Variants in ZNF169 observed in about 807,000 individuals in gnomAD.
The protein encoded by ZNF169 is zinc finger protein 169.
Under a neutral mutation model 12.0 loss-of-function variants are expected in ZNF169, and 11 were observed. The ratio of observed to expected loss-of-function variants is 0.92; its 90% CI spans 0.58 to 1.52. The LOEUF is 1.52. Ranked by LOEUF, ZNF169 falls within the 40% of genes most tolerant of loss-of-function variation. The pLI is 0.00. For synonymous variants in ZNF169, 302 were observed against 286.5 expected (o/e 1.05, Z -0.55); for missense variants, 722 against 744.0 (o/e 0.97, Z 0.34).
At chr9:94,297,785 T>C (rs1196278017) in intron 4 of ZNF169, among the ~76,000 whole-genome samples, 1 of 152,256 alleles carries the variant, frequency 6.6e-6, no homozygotes, top group Non-Finnish European at 1.5e-5. Context: ...TGTTCACTTC[T>C]GTTCTGATAG....
intron 4 of ZNF169, among the ~76,000 whole-genome samples, chr9:94,297,117 T>C (rs191724613): frequency 6.6e-6 from 1 of 150,464 alleles, no homozygotes; most frequent in East Asian, 1.9e-4. Context: ...CGTTATTCTT[T>C]GTTTTTTCAT....
At chr9:94,271,709 A>G (rs1490644637) in intron 1 of ZNF169, among the ~76,000 whole-genome samples, 1 of 131,182 alleles carries the variant, frequency 7.6e-6, no homozygotes, top group Non-Finnish European at 1.6e-5. Flanking sequence ...ACAGGGCAAG[A>G]CTCTGTCTCA....
At position 94,278,743 on chromosome 9, in the gene ZNF169, C is replaced by A; in HGVS notation, c.-55-15C>A. 1 of 1,492,122 alleles carries A rather than the reference C, an allele frequency of 6.7e-7. No homozygotes were observed. Among genetic ancestry groups the A allele is most frequent in the Non-Finnish European group, 9.3e-7 (1 of 1,073,146 alleles). The allele number at this position is 1,492,122 out of a possible 1,614,324, so 92.4% of individuals were successfully genotyped here. Reference sequence around the variant, plus strand: ...CTTCCCAAGTACCTCTCTCACTTCTCATCTCTTTCCCCAGATTTGCCTCTG... The same window carrying A: ...CTTCCCAAGTACCTCTCTCACTTCTAATCTCTTTCCCCAGATTTGCCTCTG... On this transcript the variant is annotated splice_polypyrimidine_tract_variant and intron_variant, in intron 1 of 4. Transcript: ENST00000395395.
In ZNF169 at chr9:94,292,457, G is replaced by A. The variant is rs1428668102; in HGVS notation, c.150G>A (p.Leu50=). The A allele has an allele frequency of 3.1e-6, 5 of 1,613,816 alleles. No individual in the cohort carries two copies. The highest frequency in any genetic ancestry group is 4.2e-6 in the Non-Finnish European group (5 of 1,179,832). ...REVMLENYSH[L]VSLGIAFSKP... is the part of the protein sequence containing the mutation. ...TGATGCTGGAGAACTACAGCCATCT[G>A]GTCTCCCTGGGTAAGGCTGGCCTGT... The change falls in exon 3 of 5, where the codon CTG becomes CTA. Residue 50 remains leucine, a synonymous_variant. Transcript: ENST00000395395.
chr9:94,299,713 G>A (rs1393122794), intron 4 of ZNF169, 102 bp from the exon 5 acceptor site: 27 of 1,495,800 alleles, frequency 1.8e-5, no homozygotes, highest in Non-Finnish European at 2.3e-5. Context: ...TTGTGGGTTG[G>A]AAGATAAGTC....
At position 94,300,314 on chromosome 9, in the gene ZNF169, C is replaced by G. The variant is rs748707218; in HGVS notation, c.756C>G (p.His252Gln). 1.9e-6 allele frequency: 3 copies of G among 1,614,146 alleles called. No homozygotes were observed. Among genetic ancestry groups the G allele is most frequent in the Non-Finnish European group, 2.5e-6 (3 of 1,180,028 alleles). Residue 252 changes from histidine (H) to glutamine (Q), a missense_variant, in exon 5 of 5, where the codon CAC (histidine) becomes CAG (glutamine). His to Gln is a conservative substitution (Grantham distance 24). Transcript: ENST00000395395. Reference sequence around the variant, plus strand: ...GCCAGAGATCAGACCTTATCAAGCACCAGAGGACACACACCGGGGAGAAGC... The same window carrying G: ...GCCAGAGATCAGACCTTATCAAGCAGCAGAGGACACACACCGGGGAGAAGC... ...GFCQRSDLIK[H>Q]QRTHTGEKPY... is the part of the protein sequence containing the mutation.
At chr9:94,270,737 T>TATATTTATA (rs1262184587) in intron 1 of ZNF169, among the ~76,000 whole-genome samples, 2 of 32,072 alleles carry the variant, frequency 6.2e-5, no homozygotes, top group Non-Finnish European at 1.3e-4. Flanking sequence ...TATTATATAA[T>TATATTTATA]TAATGTATTT....
intron 2 of ZNF169, among the ~76,000 whole-genome samples, chr9:94,282,112 A>G (rs1830650202): frequency 6.6e-6 from 1 of 152,204 alleles, no homozygotes; most frequent in Non-Finnish European, 1.5e-5. Context: ...AAATATTTTT[A>G]TTTTCTTCCT....
At chr9:94,292,761 C>T in intron 3 of ZNF169, 1 of 616,792 alleles carries the variant, frequency 1.6e-6, no homozygotes, top group South Asian at 2.1e-5. Flanking sequence ...TTTTTATTGA[C>T]TCAAGCACAG....
intron 1 of ZNF169, among the ~76,000 whole-genome samples, chr9:94,274,330 T>A (rs1830483826): frequency 6.6e-6 from 1 of 152,148 alleles, no homozygotes; most frequent in African/African-American, 2.4e-5. Flanking sequence ...AGTCACAAAT[T>A]TGGTAAGTTG....
chr9:94,292,985 T>C lies in ZNF169; in HGVS notation c.172T>C (p.Ser58Pro). 1 of 1,611,986 alleles carries C rather than the reference T, an allele frequency of 6.2e-7. No homozygotes were observed. Among genetic ancestry groups the C allele is most frequent in the Middle Eastern group, 1.7e-4 (1 of 6,058 alleles). Reference sequence around the variant, plus strand: ...TTTCCTGTGAGTAGGAATTGCATTTTCCAAACCAAAACTCATCGAACAGCT... The same window carrying C: ...TTTCCTGTGAGTAGGAATTGCATTTCCCAAACCAAAACTCATCGAACAGCT... The part of the protein sequence containing the change: ...SHLVSLGIAF[S>P]KPKLIEQLEQ... Residue 58 changes from serine to proline, a missense_variant, in exon 4 of 5, where the codon TCC (serine) becomes CCC (proline). Physicochemically the swap from Ser to Pro is moderately conservative, Grantham distance 74. Coordinates refer to ENST00000395395, the MANE Select transcript of ZNF169 (RefSeq NM_194320.4).
chr9:94,287,532 C>T (rs1390788496), intron 2 of ZNF169, among the ~76,000 whole-genome samples: 3 of 152,024 alleles, frequency 2.0e-5, no homozygotes, highest in Non-Finnish European at 4.4e-5. Flanking sequence ...ACCTGGCTAA[C>T]TTTTTGTATT....
At chr9:94,282,046 A>G (rs1004684763) in intron 2 of ZNF169, among the ~76,000 whole-genome samples, 33 of 152,206 alleles carry the variant, frequency 2.2e-4, no homozygotes, top group Non-Finnish European at 2.9e-5. Context: ...GATTTTTCCC[A>G]CAAGAGACTT....
chr9:94,281,494 GT>G (rs770607355), intron 2 of ZNF169, among the ~76,000 whole-genome samples: 1 of 152,170 alleles, frequency 6.6e-6, no homozygotes, highest in Non-Finnish European at 1.5e-5. Flanking sequence ...AATTTAGAAA[GT>G]TTATTTTGCC....
intron 2 of ZNF169, among the ~76,000 whole-genome samples, chr9:94,282,882 C>T (rs1830665356): frequency 1.3e-5 from 2 of 151,968 alleles, no homozygotes; most frequent in Non-Finnish European, 2.9e-5. Context: ...CCATACAATC[C>T]AACATTTAAA....
chr9:94,300,302 C>T lies in ZNF169; in HGVS notation c.744C>T (p.Asp248=). The part of the protein sequence containing the change: ...ECGRGFCQRS[D]LIKHQRTHTG... ...GGAGAGGCTTTTGCCAGAGATCAGA[C>T]CTTATCAAGCACCAGAGGACACACA... Residue 248 remains aspartate (D), a synonymous_variant, in exon 5 of 5, where the codon GAC becomes GAT. Coordinates refer to ENST00000395395, the MANE Select transcript of ZNF169 (RefSeq NM_194320.4). The T allele has an allele frequency of 3.1e-6, 5 of 1,614,058 alleles. No individual in the cohort carries two copies. Among genetic ancestry groups the T allele is most frequent in the Non-Finnish European group, 4.2e-6 (5 of 1,180,012 alleles).
intron 1 of ZNF169, among the ~76,000 whole-genome samples, chr9:94,272,428 A>G (rs1282134303): frequency 6.6e-6 from 1 of 152,142 alleles, no homozygotes; most frequent in Non-Finnish European, 1.5e-5. Flanking sequence ...TACCTATTGA[A>G]TAGCAGCTCA....
chr9:94,296,414 G>A (rs1334115985), intron 4 of ZNF169, among the ~76,000 whole-genome samples: 1 of 152,082 alleles, frequency 6.6e-6, no homozygotes, highest in Non-Finnish European at 1.5e-5. Flanking sequence ...AGTTTTGGTA[G>A]TGTATTTAAG....
chr9:94,276,126 C>T (rs527816461), intron 1 of ZNF169, among the ~76,000 whole-genome samples: 3 of 152,180 alleles, frequency 2.0e-5, no homozygotes, highest in African/African-American at 7.2e-5. Context: ...CAGAGAACAT[C>T]GGTTAGACCA....
Sources: gnomAD v4.1 joint callset for allele counts (sites outside exome capture counted in the v4.1 genomes callset) on GRCh38, gnomAD v4.1.1 for gene constraint, MANE v1.5 for transcripts, NCBI Gene and HGNC (gene_info 2026-07-23, HGNC 2026-07-21) for gene names.